PTPN14: variants seen among roughly 807,000 people sequenced by gnomAD.
PTPN14 encodes protein tyrosine phosphatase non-receptor type 14.
PTPN14 carries 53 observed loss-of-function variants against 126.8 expected under a neutral mutation model. The observed-to-expected ratio is 0.42, with a 90% confidence interval of 0.34 to 0.53. The LOEUF (loss-of-function observed/expected upper bound fraction) is 0.53. PTPN14 is among the 20% of genes least tolerant of loss of function. The pLI is 0.08. For missense variants in PTPN14, 1,257 were observed against 1,552.9 expected (o/e 0.81, Z 3.20); for synonymous variants, 630 against 599.3 (o/e 1.05, Z -0.75).
chr1:214,521,517 A>G (rs1351895883), intron 1 of PTPN14, among the ~76,000 whole-genome samples: 1 of 152,248 alleles, frequency 6.6e-6, no homozygotes, highest in African/African-American at 2.4e-5. Flanking sequence ...GTTTGAAACC[A>G]GCCTGGCTAA....
chr1:214,440,382 T>C (rs1441377524), intron 3 of PTPN14, among the ~76,000 whole-genome samples: 1 of 152,236 alleles, frequency 6.6e-6, no homozygotes, highest in East Asian at 1.9e-4. Context: ...TTTATTGGCC[T>C]ATAAGACGCT....
chr1:214,436,814 AGGTTTGTCAG>A (rs1659930306), intron 3 of PTPN14, among the ~76,000 whole-genome samples: 1 of 13,356 alleles, frequency 7.5e-5, no homozygotes, highest in Non-Finnish European at 1.7e-4. Flanking sequence ...AAAAAAAAAA[AGGTTTGTCAG>A]AATATTAGCT....
chr1:214,363,399 C>T (rs1307371275), intron 18 of PTPN14, among the ~76,000 whole-genome samples: 2 of 152,160 alleles, frequency 1.3e-5, no homozygotes, highest in African/African-American at 2.4e-5. Flanking sequence ...GATTTTCAAA[C>T]GATTCATGCT....
At chr1:214,418,509 C>T in intron 3 of PTPN14, among the ~76,000 whole-genome samples, 1 of 152,214 alleles carries the variant, frequency 6.6e-6, no homozygotes, top group Admixed American at 6.5e-5. Flanking sequence ...GCATGAACAA[C>T]CACAGGGATG....
intron 1 of PTPN14, among the ~76,000 whole-genome samples, chr1:214,506,571 T>C (rs1654849299): frequency 6.7e-6 from 1 of 148,236 alleles, no homozygotes; most frequent in Non-Finnish European, 1.5e-5. Flanking sequence ...GTTTACAGAA[T>C]GTTTTTTAAG....
rs182843914 is a variant in PTPN14 at position 214,453,110 on chromosome 1, A to T, written c.175-1136T>A. 5.9e-5 allele frequency among the ~76,000 whole-genome samples: 9 copies of T among 152,242 alleles called. No homozygotes were observed. In the East Asian group the frequency reaches 1.7e-3, roughly 29 times the overall value. ...GATGCTTTAAAGATATTTTAAATGG[A>T]TTTACTTTGAGATGGGGGTAATGAT... On this transcript the variant is annotated intron_variant, in intron 2 of 18. Transcript: ENST00000366956.
chr1:214,538,736 C>G (rs79929832), intron 1 of PTPN14, among the ~76,000 whole-genome samples: 3,450 of 152,174 alleles, frequency 0.023, 118 homozygotes, highest in African/African-American at 0.077. Flanking sequence ...AGTATTCTAA[C>G]TAAGTAAGTG....
At chr1:214,464,329 A>AAG (rs1319330232) in intron 2 of PTPN14, among the ~76,000 whole-genome samples, 2 of 152,000 alleles carry the variant, frequency 1.3e-5, no homozygotes, top group African/African-American at 4.8e-5. Flanking sequence ...TTAAAGAGAG[A>AAG]AGATGACTTT....
intron 1 of PTPN14, among the ~76,000 whole-genome samples, chr1:214,508,404 T>C (rs142717872): frequency 6.6e-5 from 10 of 152,328 alleles, no homozygotes; most frequent in African/African-American, 2.4e-4. Flanking sequence ...ACCACTTTTT[T>C]TGCTCATCCA....
rs1658559626 is a variant in PTPN14, at chr1:214,384,455, C to T, written c.1400G>A (p.Arg467Lys). Residue 467 changes from arginine (R) to lysine (K), a missense_variant, in exon 13 of 19, where the codon AGA becomes AAA. Arg to Lys is a conservative substitution (Grantham distance 26, BLOSUM62 2). Transcript: ENST00000366956. This position sits in a 1 kb window ranked among gnomAD's most constrained non-coding sequence, Gnocchi z 5.3. ...ATGGGTGTTGATAATGTTGAGGTTTCTCAGAGACTGGCTCTGGCTGTCTGT... is the reference window on the plus strand; with the variant it reads ...ATGGGTGTTGATAATGTTGAGGTTTTTCAGAGACTGGCTCTGGCTGTCTGT... ...LHTDSQSQSL[R>K]NLNIINTHAY... 5 of 1,614,134 alleles carry T rather than the reference C, an allele frequency of 3.1e-6. No individual in the cohort carries two copies. Among genetic ancestry groups the T allele is most frequent in the Non-Finnish European group, 4.2e-6 (5 of 1,180,032 alleles).
At chr1:214,523,900 A>T (rs1571645050) in intron 1 of PTPN14, among the ~76,000 whole-genome samples, 1 of 142,446 alleles carries the variant, frequency 7.0e-6, no homozygotes, top group African/African-American at 2.7e-5. Flanking sequence ...CCCAGGCTGG[A>T]GTGCAGTGGT....
chr1:214,472,588 A>G (rs1013831322), intron 1 of PTPN14, among the ~76,000 whole-genome samples: 12 of 152,250 alleles, frequency 7.9e-5, no homozygotes, highest in African/African-American at 2.4e-4. Context: ...AAGGCAGGGC[A>G]GGAGTCTCCA....
At position 214,384,307 on chromosome 1, in the gene PTPN14, C is replaced by G; in HGVS notation, c.1548G>C (p.Gln516His). The G allele has an allele frequency of 1.2e-6, 2 of 1,614,162 alleles. No individual in the cohort carries two copies. Among genetic ancestry groups the G allele is most frequent in the Non-Finnish European group, 1.7e-6 (2 of 1,180,030 alleles). Residue 516 changes from glutamine (Q) to histidine (H), a missense_variant, in exon 13 of 19, where the codon CAG (glutamine) becomes CAC (histidine). Transcript: ENST00000366956. This position sits in a 1 kb window ranked among gnomAD's most constrained non-coding sequence, Gnocchi z 5.3. The part of the protein sequence containing the change: ...YSNKLVSPSD[Q>H]RNPKNNVVPS... ...GTACCACATTATTCTTTGGGTTCCT[C>G]TGGTCAGATGGACTGACAAGTTTGT...
chr1:214,372,640 A>G (rs1658244777), intron 16 of PTPN14, 71 bp downstream of exon 16: 1 of 1,607,412 alleles, frequency 6.2e-7, no homozygotes, highest in African/African-American at 1.3e-5. Context: ...CAAAGTTGAC[A>G]GCACAAAGCC....
chr1:214,392,414 T>C (rs1451799068), intron 10 of PTPN14, among the ~76,000 whole-genome samples: 2 of 152,150 alleles, frequency 1.3e-5, no homozygotes, highest in African/African-American at 4.8e-5. Context: ...AAACACTCCG[T>C]AAATTTTATA....
rs960961813 is a variant in PTPN14 at position 214,389,356 on chromosome 1, A to G, written c.987+1632T>C. ...CTAATCCCTCAAACATCATTTCAGG[A>G]TTATATTATTTATTTCATCTCGTTA... On this transcript the variant is annotated intron_variant, in intron 11 of 18. Coordinates refer to ENST00000366956, the MANE Select transcript of PTPN14 (RefSeq NM_005401.5). 1.2e-4 allele frequency among the ~76,000 whole-genome samples: 19 copies of G among 152,370 alleles called. 1 individual carries two copies. Among genetic ancestry groups the G allele is most frequent in the African/African-American group, 4.1e-4 (17 of 41,578 alleles).
At position 214,376,452 on chromosome 1, in the gene PTPN14, G is replaced by A; in HGVS notation, c.2689-15C>T. ...AGGGTTCTGAACTGCAACAGAAATT[G>A]ATCTTCAGCTCTCTAAATTATCTGA... On this transcript the variant is annotated splice_polypyrimidine_tract_variant and intron_variant, in intron 14 of 18. Coordinates refer to ENST00000366956, the MANE Select transcript of PTPN14 (RefSeq NM_005401.5). 6.3e-7 allele frequency: 1 copy of A among 1,587,458 alleles called. No individual in the cohort carries two copies. Among genetic ancestry groups the A allele is most frequent in the Non-Finnish European group, 8.6e-7 (1 of 1,156,904 alleles).
intron 1 of PTPN14, among the ~76,000 whole-genome samples, chr1:214,549,273 C>A (rs1189880475): frequency 6.6e-6 from 1 of 152,164 alleles, no homozygotes; most frequent in East Asian, 1.9e-4. Flanking sequence ...AATGCTACTG[C>A]ATTGTAAGAA....
At chr1:214,362,198 C>T (rs573171314) in intron 18 of PTPN14, among the ~76,000 whole-genome samples, 133 of 152,278 alleles carry the variant, frequency 8.7e-4, no homozygotes, top group African/African-American at 3.1e-3. Context: ...TGAACAGTAC[C>T]AGAACAAAAG....
Sources: gnomAD v4.1 joint callset for allele counts (sites outside exome capture counted in the v4.1 genomes callset) on GRCh38, gnomAD v4.1.1 for gene constraint, Gnocchi (gnomAD v3.1) non-coding constraint, MANE v1.5 for transcripts, NCBI Gene and HGNC (gene_info 2026-07-23, HGNC 2026-07-21) for gene names.